KCNB2: variants seen among roughly 807,000 people sequenced by gnomAD.
The protein encoded by KCNB2 is delayed rectifier potassium channel protein.
Under a neutral mutation model 61.5 loss-of-function variants are expected in KCNB2, and 15 were observed. The observed-to-expected ratio is 0.24, with a 90% CI of 0.16 to 0.38. The LOEUF (loss-of-function observed/expected upper bound fraction) is 0.38. Ranked by LOEUF, KCNB2 falls within the 10% of genes least tolerant of loss-of-function variation. The pLI is 1.00. For missense variants in KCNB2, 828 were observed against 1,125.2 expected (o/e 0.74, Z 3.78); for synonymous variants, 457 against 446.0 (o/e 1.02, Z -0.31).
chr8:72,794,935 T>TG (rs541166196), intron 2 of KCNB2, among the ~76,000 whole-genome samples: 1 of 147,530 alleles, frequency 6.8e-6, no homozygotes, highest in Admixed American at 6.9e-5. Flanking sequence ...AAGTAACCAC[T>TG]GGAAAAAAAA....
intron 2 of KCNB2, among the ~76,000 whole-genome samples, chr8:72,834,393 G>GCAGA (rs1809745842): frequency 6.6e-6 from 1 of 152,150 alleles, no homozygotes; most frequent in Admixed American, 6.5e-5. Flanking sequence ...AATAGCTGAA[G>GCAGA]CAGACAGGGC....
intron 2 of KCNB2, among the ~76,000 whole-genome samples, chr8:72,653,204 G>T (rs778243323): frequency 6.6e-6 from 1 of 152,048 alleles, no homozygotes; most frequent in Non-Finnish European, 1.5e-5. Flanking sequence ...TTCCATTAAG[G>T]TCATATTCTG....
chr8:72,791,917 G>A (rs1448154902), intron 2 of KCNB2, among the ~76,000 whole-genome samples: 2 of 152,142 alleles, frequency 1.3e-5, no homozygotes, highest in Non-Finnish European at 2.9e-5. Flanking sequence ...AGTAACAATA[G>A]GCCTACTTCT....
At chr8:72,780,895 A>AT (rs1178257572) in intron 2 of KCNB2, among the ~76,000 whole-genome samples, 3 of 151,932 alleles carry the variant, frequency 2.0e-5, no homozygotes, top group African/African-American at 2.4e-5. Flanking sequence ...ATGTTTCTTG[A>AT]TTTTTTTAAT....
At chr8:72,542,742 A>T (rs1165577929) in intron 1 of KCNB2, among the ~76,000 whole-genome samples, 1 of 152,138 alleles carries the variant, frequency 6.6e-6, no homozygotes, top group Non-Finnish European at 1.5e-5. Context: ...GCGATATAAG[A>T]GTGATAGAGG....
chr8:72,881,617 G>A (rs1805707203), intron 2 of KCNB2: 3 of 150,176 alleles, frequency 2.0e-5, no homozygotes, highest in African/African-American at 7.3e-5. Context: ...AAGGAATTAA[G>A]GCACTCAAAC....
chr8:72,719,963 G>C (rs546597030), intron 2 of KCNB2, among the ~76,000 whole-genome samples: 92 of 152,288 alleles, frequency 6.0e-4, no homozygotes, highest in Non-Finnish European at 1.1e-3. Flanking sequence ...AAAACCCTCA[G>C]AGGCTCTGAA....
At chr8:72,655,422 C>T (rs1244518325) in intron 2 of KCNB2, among the ~76,000 whole-genome samples, 1 of 151,812 alleles carries the variant, frequency 6.6e-6, no homozygotes, top group East Asian at 1.9e-4. Context: ...TATAACAAAC[C>T]CTGAACCTAA....
intron 1 of KCNB2, among the ~76,000 whole-genome samples, chr8:72,560,644 A>G (rs1342261830): frequency 6.6e-6 from 1 of 152,230 alleles, no homozygotes; most frequent in Non-Finnish European, 1.5e-5. Flanking sequence ...CCGTCATAAT[A>G]GAAAACCCAC....
At chr8:72,653,317 G>T (rs1016302782) in intron 2 of KCNB2, among the ~76,000 whole-genome samples, 1 of 151,978 alleles carries the variant, frequency 6.6e-6, no homozygotes, top group Non-Finnish European at 1.5e-5. Context: ...TTTTCACCTG[G>T]CAGGACTGGC....
At chr8:72,663,521 A>G (rs929893979) in intron 2 of KCNB2, among the ~76,000 whole-genome samples, 3 of 152,162 alleles carry the variant, frequency 2.0e-5, no homozygotes, top group African/African-American at 7.2e-5. Context: ...CATTTGGTCT[A>G]TAGGCTCACC....
intron 2 of KCNB2, among the ~76,000 whole-genome samples, chr8:72,758,063 A>G (rs1247976696): frequency 6.6e-6 from 1 of 152,212 alleles, no homozygotes; most frequent in African/African-American, 2.4e-5. Context: ...CAGGAAGTTG[A>G]GAGATTGCCC....
intron 2 of KCNB2, among the ~76,000 whole-genome samples, chr8:72,655,799 A>T (rs1448188539): frequency 7.9e-5 from 12 of 152,140 alleles, no homozygotes; most frequent in Non-Finnish European, 1.6e-4. Context: ...AAAAGATGGC[A>T]TGGATACATC....
intron 2 of KCNB2, among the ~76,000 whole-genome samples, chr8:72,888,230 G>C (rs1805837833): frequency 6.6e-6 from 1 of 152,030 alleles, no homozygotes; most frequent in Non-Finnish European, 1.5e-5. Context: ...AGCCTCTTGA[G>C]TAGTGGGACT....
intron 2 of KCNB2, among the ~76,000 whole-genome samples, chr8:72,892,234 C>T (rs1805907850): frequency 6.6e-6 from 1 of 152,012 alleles, no homozygotes; most frequent in Admixed American, 6.6e-5. Flanking sequence ...TATTTGATTC[C>T]TGAGGGGTAG....
chr8:72,796,566 G>A (rs1255858648), intron 2 of KCNB2, among the ~76,000 whole-genome samples: 1 of 151,982 alleles, frequency 6.6e-6, no homozygotes, highest in Non-Finnish European at 1.5e-5. Flanking sequence ...CTTCCCACTG[G>A]TGCTGTGGGA....
intron 2 of KCNB2, among the ~76,000 whole-genome samples, chr8:72,725,334 A>G (rs1807614464): frequency 6.6e-6 from 1 of 151,640 alleles, no homozygotes. Flanking sequence ...GATTACTAAC[A>G]ATTTAAAAGA....
At chr8:72,557,893 A>G (rs934701003) in intron 1 of KCNB2, among the ~76,000 whole-genome samples, 1 of 152,214 alleles carries the variant, frequency 6.6e-6, no homozygotes, top group African/African-American at 2.4e-5. Context: ...TCTTACTTTT[A>G]ACACAGGCCT....
chr8:72,770,701 G>A (rs564391894), intron 2 of KCNB2, among the ~76,000 whole-genome samples: 1 of 152,210 alleles, frequency 6.6e-6, no homozygotes, highest in Non-Finnish European at 1.5e-5. Flanking sequence ...AATAATCCAT[G>A]TAAAAGGCTT....
Sources: gnomAD v4.1 joint callset for allele counts (sites outside exome capture counted in the v4.1 genomes callset) on GRCh38, gnomAD v4.1.1 for gene constraint, MANE v1.5 for transcripts, NCBI Gene and HGNC (gene_info 2026-07-23, HGNC 2026-07-21) for gene names.